GPBP1L1: variants seen among roughly 807,000 people sequenced by gnomAD.
GPBP1L1 encodes the protein vasculin-like protein 1.
GPBP1L1 carries 23 observed loss-of-function variants against 52.5 expected under a neutral mutation model. That is an observed-to-expected ratio of 0.44 (90% CI 0.32 to 0.62). The LOEUF is 0.62. GPBP1L1 is among the 20% of genes least tolerant of loss of function. GPBP1L1 has a pLI of 0.06. For synonymous variants in GPBP1L1, 243 were observed against 203.1 expected, an observed-to-expected ratio of 1.20 and a Z score of -1.67; for missense variants, 596 against 579.3, an observed-to-expected ratio of 1.03 and a Z score of -0.30.
chr1:45,647,096 T>C (rs1043582291), intron 6 of GPBP1L1, among the ~76,000 whole-genome samples: 4 of 151,922 alleles, frequency 2.6e-5, no homozygotes, highest in African/African-American at 7.2e-5. Flanking sequence ...TTATTACTTC[T>C]TTTCAAGAGT....
intron 2 of GPBP1L1, among the ~76,000 whole-genome samples, chr1:45,671,543 G>T (rs1401389517): frequency 6.6e-6 from 1 of 151,996 alleles, no homozygotes; most frequent in African/African-American, 2.4e-5. Context: ...AACAGGCCAG[G>T]CACGGTGGTA....
chr1:45,628,523 G>C (rs1327799004), intron 12 of GPBP1L1, 115 bp from the exon 13 acceptor site: 4 of 921,760 alleles, frequency 4.3e-6, no homozygotes, highest in East Asian at 5.0e-5. Flanking sequence ...TGTGGGGCGG[G>C]GGGTGCTTCT....
chr1:45,629,954 CTT>C (rs529687758), intron 11 of GPBP1L1, among the ~76,000 whole-genome samples: 10 of 140,950 alleles, frequency 7.1e-5, no homozygotes, highest in South Asian at 2.3e-4. Context: ...TGCAGTCTGG[CTT>C]TTTTTTTTTT....
chr1:45,652,097 C>T (rs747106559), intron 6 of GPBP1L1, among the ~76,000 whole-genome samples: 1 of 152,176 alleles, frequency 6.6e-6, no homozygotes, highest in Non-Finnish European at 1.5e-5. Flanking sequence ...CTGTCCAGTG[C>T]GTTTTAAGTG....
chr1:45,669,871 C>G (rs1245959802), intron 2 of GPBP1L1, among the ~76,000 whole-genome samples: 1 of 149,504 alleles, frequency 6.7e-6, no homozygotes, highest in Non-Finnish European at 1.5e-5. Context: ...AAATGAAAAA[C>G]ATAAGTTGGC....
At chr1:45,640,491 A>G in intron 7 of GPBP1L1, 88 bp from the exon 8 acceptor site, 3 of 1,038,592 alleles carry the variant, frequency 2.9e-6, no homozygotes, top group South Asian at 1.4e-5. Flanking sequence ...TTAGTCAACA[A>G]AACAGCTGAC....
intron 2 of GPBP1L1, among the ~76,000 whole-genome samples, chr1:45,664,275 G>A (rs990109551): frequency 4.6e-5 from 7 of 150,968 alleles, no homozygotes; most frequent in South Asian, 4.2e-4. Context: ...AACCGAGATC[G>A]TTGCCACTGC....
At chr1:45,668,040 G>A (rs1024276991) in intron 2 of GPBP1L1, among the ~76,000 whole-genome samples, 1 of 152,036 alleles carries the variant, frequency 6.6e-6, no homozygotes, top group African/African-American at 2.4e-5. Context: ...CTGCCCTCTA[G>A]TCTTAACAAA....
rs1158306206 is a variant in GPBP1L1, at chr1:45,640,286, T to G, written c.668A>C (p.Asn223Thr). 6.2e-7 allele frequency: 1 copy of G among 1,614,006 alleles called. No homozygotes were observed. The highest frequency in any genetic ancestry group is 8.5e-7 in the Non-Finnish European group (1 of 1,180,006). Residue 223 changes from asparagine to threonine, a missense_variant, in exon 8 of 13, where the codon AAT (asparagine) becomes ACT (threonine). Coordinates refer to ENST00000355105, the MANE Select transcript of GPBP1L1 (RefSeq NM_021639.5). Reference sequence around the variant, plus strand: ...AACCACGGATGACAATTTGTTCCCATTTGCATGGTGAGATCCTGGTGAGGT... The same window carrying G: ...AACCACGGATGACAATTTGTTCCCAGTTGCATGGTGAGATCCTGGTGAGGT... ...AFTSPGSHHA[N>T]GNKLSSVVPS...
In GPBP1L1 at chr1:45,630,545, C is replaced by A. The variant is rs1394806313; in HGVS notation, c.1106G>T (p.Gly369Val). 1 of 1,613,962 alleles carries A rather than the reference C, an allele frequency of 6.2e-7. No homozygotes were observed. The highest frequency in any genetic ancestry group is 8.5e-7 in the Non-Finnish European group (1 of 1,179,858). The change falls in exon 11 of 13, where the codon GGT becomes GTT. Residue 369 changes from glycine to valine, a missense_variant. Coordinates refer to ENST00000355105, the MANE Select transcript of GPBP1L1 (RefSeq NM_021639.5). ...TTCTTCCACTACAGGGAGGGCAAGA[C>A]CATTTTGATGACAGCCTTCCTCCCC... ...ENGEEGCHQNGLALPVVEEGE... is the reference protein window; with the variant it reads ...ENGEEGCHQNVLALPVVEEGE...
At chr1:45,647,476 CAA>C (rs1308770685) in intron 6 of GPBP1L1, among the ~76,000 whole-genome samples, 1 of 152,216 alleles carries the variant, frequency 6.6e-6, no homozygotes, top group Non-Finnish European at 1.5e-5. Context: ...TTCTTAGTCA[CAA>C]AGTCATCCCT....
chr1:45,671,400 G>C (rs1032293852), intron 2 of GPBP1L1, among the ~76,000 whole-genome samples: 2 of 151,648 alleles, frequency 1.3e-5, no homozygotes, highest in African/African-American at 4.8e-5. Flanking sequence ...AGTAGACACG[G>C]GGTTTCACCA....
At chr1:45,628,524 G>C in intron 12 of GPBP1L1, 116 bp from the exon 13 acceptor site, 1 of 916,102 alleles carries the variant, frequency 1.1e-6, no homozygotes, top group East Asian at 2.5e-5. Flanking sequence ...GTGGGGCGGG[G>C]GGTGCTTCTA....
chr1:45,668,027 C>T (rs375704818), intron 2 of GPBP1L1, among the ~76,000 whole-genome samples: 26 of 152,276 alleles, frequency 1.7e-4, no homozygotes, highest in African/African-American at 5.5e-4. Context: ...GTGTGAGCCA[C>T]GCCTGCCCTC....
intron 6 of GPBP1L1, among the ~76,000 whole-genome samples, chr1:45,650,596 C>A (rs1434608328): frequency 6.6e-6 from 1 of 152,182 alleles, no homozygotes; most frequent in Admixed American, 6.5e-5. Context: ...ATTATACATA[C>A]ATATGGTATA....
intron 2 of GPBP1L1, among the ~76,000 whole-genome samples, chr1:45,678,016 T>C (rs1412383723): frequency 1.3e-5 from 2 of 152,154 alleles, no homozygotes; most frequent in South Asian, 2.1e-4. Flanking sequence ...TCCTACAACA[T>C]GGATGAACCT....
intron 2 of GPBP1L1, among the ~76,000 whole-genome samples, chr1:45,681,702 A>C (rs554828596): frequency 7.9e-5 from 12 of 152,374 alleles, no homozygotes; most frequent in Admixed American, 6.5e-4. Context: ...TTATTACAAC[A>C]ACCCTAGGAG....
chr1:45,634,650 T>C (rs10890333), intron 8 of GPBP1L1: 44,223 of 154,234 alleles, frequency 0.29, 6,490 homozygotes, highest in South Asian at 0.37. Context: ...TTTGTTAACT[T>C]TGGATGTAAT....
At chr1:45,653,060 G>A (rs1644838316) in intron 6 of GPBP1L1, among the ~76,000 whole-genome samples, 1 of 152,154 alleles carries the variant, frequency 6.6e-6, no homozygotes. Flanking sequence ...TGAGGATAAA[G>A]TTTTGAAGAA....
Sources: gnomAD v4.1 joint callset for allele counts (sites outside exome capture counted in the v4.1 genomes callset) on GRCh38, gnomAD v4.1.1 for gene constraint, MANE v1.5 for transcripts, NCBI Gene and HGNC (gene_info 2026-07-23, HGNC 2026-07-21) for gene names.